Variants in GOLM1 observed in about 807,000 individuals in gnomAD.
The protein encoded by GOLM1 is golgi membrane protein 1, also known as epididymis luminal protein 46.
Under a neutral mutation model 50.5 loss-of-function variants are expected in GOLM1, and 31 were observed. The ratio of observed to expected loss-of-function variants is 0.61; its 90% CI spans 0.46 to 0.83. GOLM1 has a LOEUF of 0.83. Ranked by LOEUF, GOLM1 falls within the 40% of genes least tolerant of loss-of-function variation. GOLM1 has a pLI of 0.00. For synonymous variants in GOLM1, 178 were observed against 192.8 expected (o/e 0.92, Z 0.64); for missense variants, 491 against 501.3 (o/e 0.98, Z 0.20).
intron 9 of GOLM1, among the ~76,000 whole-genome samples, chr9:86,028,414 C>T (rs542636407): frequency 6.6e-6 from 1 of 152,358 alleles, no homozygotes; most frequent in East Asian, 1.9e-4. Flanking sequence ...AGCAGCCAGA[C>T]TCCAGAGGAA....
intron 6 of GOLM1, among the ~76,000 whole-genome samples, chr9:86,038,992 C>T (rs1247963548): frequency 2.6e-5 from 4 of 151,880 alleles, no homozygotes; most frequent in Non-Finnish European, 2.9e-5. Context: ...AACTAAACAC[C>T]AGCAAGAAAG....
chr9:86,091,784 T>C (rs1835193027), intron 1 of GOLM1, among the ~76,000 whole-genome samples: 2 of 152,118 alleles, frequency 1.3e-5, no homozygotes, highest in Admixed American at 6.6e-5. Flanking sequence ...GTGGGTGGGG[T>C]ATATTATAAA....
intron 3 of GOLM1, among the ~76,000 whole-genome samples, chr9:86,076,068 C>T (rs532013802): frequency 6.6e-6 from 1 of 152,104 alleles, no homozygotes; most frequent in Non-Finnish European, 1.5e-5. Flanking sequence ...AGTTGAGCTA[C>T]AACATTCTTC....
At chr9:86,067,773 C>T (rs1042433051) in intron 3 of GOLM1, among the ~76,000 whole-genome samples, 1 of 152,122 alleles carries the variant, frequency 6.6e-6, no homozygotes, top group Non-Finnish European at 1.5e-5. Flanking sequence ...GAGGCCGAGG[C>T]GGGCGGATCA....
At chr9:86,057,287 C>T (rs1834021802) in intron 3 of GOLM1, among the ~76,000 whole-genome samples, 1 of 152,130 alleles carries the variant, frequency 6.6e-6, no homozygotes, top group Non-Finnish European at 1.5e-5. Flanking sequence ...GTTTTCAAAG[C>T]AACAAATCTA....
intron 1 of GOLM1, among the ~76,000 whole-genome samples, chr9:86,094,164 GTT>G (rs35694231): frequency 0.22 from 32,847 of 149,674 alleles, 5,729 homozygotes; most frequent in East Asian, 0.52. Context: ...TCCGGGCCTG[GTT>G]TTTTTTTTTT....
chr9:86,084,272 T>C (rs1834880891), intron 1 of GOLM1, among the ~76,000 whole-genome samples: 1 of 152,192 alleles, frequency 6.6e-6, no homozygotes, highest in Admixed American at 6.5e-5. Flanking sequence ...TCTTCCAAAA[T>C]AGTTGGCAAA....
At chr9:86,060,619 C>A (rs1197221929) in intron 3 of GOLM1, among the ~76,000 whole-genome samples, 1 of 152,010 alleles carries the variant, frequency 6.6e-6, no homozygotes, top group East Asian at 1.9e-4. Flanking sequence ...CAGCAGCTCA[C>A]GCCTGTAATC....
intron 1 of GOLM1, among the ~76,000 whole-genome samples, chr9:86,088,420 G>GTGTGTATATATATATATA (rs1157260470): frequency 2.3e-5 from 2 of 86,306 alleles, no homozygotes; most frequent in African/African-American, 1.2e-4. Flanking sequence ...TTTGAAGGGT[G>GTGTGTATATATATATATA]TATATATATA....
chr9:86,095,684 G>C (rs1563971367), intron 1 of GOLM1, among the ~76,000 whole-genome samples: 1 of 152,194 alleles, frequency 6.6e-6, no homozygotes, highest in Non-Finnish European at 1.5e-5. Flanking sequence ...AGACCCAAAA[G>C]AGCCCAGCAG....
At chr9:86,055,993 A>AG (rs1833972898) in intron 3 of GOLM1, among the ~76,000 whole-genome samples, 3 of 151,336 alleles carry the variant, frequency 2.0e-5, no homozygotes, top group Admixed American at 2.0e-4. Context: ...AAACAAACCA[A>AG]AAACACTTAA....
chr9:86,091,452 CT>C (rs11331870), intron 1 of GOLM1, among the ~76,000 whole-genome samples: 14 of 149,374 alleles, frequency 9.4e-5, no homozygotes, highest in South Asian at 4.3e-4. Context: ...AAGAATGCAG[CT>C]TTTTTTTTTC....
chr9:86,029,286 A>G (rs917087877), intron 9 of GOLM1, among the ~76,000 whole-genome samples: 1 of 152,170 alleles, frequency 6.6e-6, no homozygotes, highest in Middle Eastern at 3.2e-3. Context: ...TAGAAAATGG[A>G]CAGTATCAAG....
chr9:86,026,559 C>T lies in GOLM1; in HGVS notation c.*1258G>A, dbSNP rs1278459767. On this transcript the variant is annotated 3_prime_UTR_variant, in exon 10 of 10. Transcript: ENST00000388712. ...CTGAAAATAAGAGGGTTGGATCAAA[C>T]GATCTCTGGGGCCTTAGCATCTCAA... 7 of 909,888 alleles carry T rather than the reference C, an allele frequency of 7.7e-6. No homozygotes were observed. The South Asian group carries it at 1.5e-4, about 20-fold the overall frequency. 56.4% of individuals were successfully genotyped at this position (909,888 alleles called of 1,614,324 possible).
intron 6 of GOLM1, among the ~76,000 whole-genome samples, chr9:86,039,273 A>G (rs747491058): frequency 3.3e-5 from 5 of 152,214 alleles, no homozygotes; most frequent in Non-Finnish European, 5.9e-5. Context: ...CACACCTGCT[A>G]GGAAGGGTAT....
chr9:86,058,555 G>A (rs1343813761), intron 3 of GOLM1, among the ~76,000 whole-genome samples: 2 of 151,638 alleles, frequency 1.3e-5, no homozygotes, highest in African/African-American at 4.9e-5. Flanking sequence ...AATTAGCCAG[G>A]CATGGTGGTA....
intron 7 of GOLM1, among the ~76,000 whole-genome samples, chr9:86,036,052 T>C (rs1384742672): frequency 2.6e-5 from 4 of 151,464 alleles, no homozygotes; most frequent in African/African-American, 7.3e-5. Context: ...TGGTTCCCAG[T>C]GTCTGGGGCT....
At chr9:86,060,086 C>A (rs1040017500) in intron 3 of GOLM1, among the ~76,000 whole-genome samples, 4 of 152,034 alleles carry the variant, frequency 2.6e-5, no homozygotes, top group Non-Finnish European at 5.9e-5. Flanking sequence ...TTTATTTACC[C>A]TAATGTATCC....
chr9:86,067,125 G>T (rs111255875), intron 3 of GOLM1, among the ~76,000 whole-genome samples: 4 of 152,042 alleles, frequency 2.6e-5, no homozygotes. Context: ...TAGTAGAGAC[G>T]GCATTTCGCC....
Sources: gnomAD v4.1 joint callset for allele counts (sites outside exome capture counted in the v4.1 genomes callset) on GRCh38, gnomAD v4.1.1 for gene constraint, MANE v1.5 for transcripts, NCBI Gene and HGNC (gene_info 2026-07-23, HGNC 2026-07-21) for gene names.